The following CADPS variants were observed in gnomAD, a reference collection of about 807,000 sequenced individuals.
The protein encoded by CADPS is calcium dependent secretion activator, also known as calcium-dependent secretion activator 1.
A neutral mutation model predicts 167.3 loss-of-function variants in CADPS; 57 were observed. The ratio of observed to expected loss-of-function variants is 0.34; its 90% CI spans 0.28 to 0.42. CADPS has a LOEUF of 0.42. CADPS is among the 20% of genes least tolerant of loss of function. CADPS has a pLI of 1.00. For synonymous variants in CADPS, 676 were observed against 635.3 expected (o/e 1.06, Z -0.96); for missense variants, 1,414 against 1,738.1 (o/e 0.81, Z 3.32).
chr3:62,646,758 T>A (rs1421723558), intron 5 of CADPS, among the ~76,000 whole-genome samples: 1 of 152,198 alleles, frequency 6.6e-6, no homozygotes, highest in Admixed American at 6.5e-5. Flanking sequence ...CAATTTTGCC[T>A]TCCAGAAAAT....
chr3:62,616,562 C>A (rs1286146630), intron 6 of CADPS, among the ~76,000 whole-genome samples: 1 of 152,132 alleles, frequency 6.6e-6, no homozygotes, highest in Admixed American at 6.6e-5. Context: ...TGTCCAGGGA[C>A]CCCGGCTGGG....
At chr3:62,691,708 T>A (rs1450719821) in intron 3 of CADPS, among the ~76,000 whole-genome samples, 2 of 151,898 alleles carry the variant, frequency 1.3e-5, no homozygotes, top group African/African-American at 4.8e-5. Context: ...ATGTTCTTAC[T>A]CATAAGCAGG....
intron 28 of CADPS, among the ~76,000 whole-genome samples, chr3:62,437,359 T>TC (rs1491559092): frequency 8.0e-6 from 1 of 124,396 alleles, no homozygotes; most frequent in African/African-American, 3.1e-5. Flanking sequence ...TTTTTTTTTT[T>TC]CTTTTTGCCT....
Position 62,411,752 on chromosome 3 carries a change from G to A in CADPS, c.3778-8567C>T, listed in dbSNP as rs567007760. 1.9e-4 allele frequency among the ~76,000 whole-genome samples: 29 copies of A among 152,312 alleles called. No homozygotes were observed. In the Middle Eastern group the frequency reaches 0.02, roughly 107 times the overall value. On this transcript the variant is annotated intron_variant, in intron 28 of 29. Coordinates refer to ENST00000383710, the MANE Select transcript of CADPS (RefSeq NM_003716.4). Reference sequence around the variant, plus strand: ...AAAGAAACCCTGGCACGTTCAAGCCGTCTATGCCAAGTGGGCAAAGCACTA... The same window carrying A: ...AAAGAAACCCTGGCACGTTCAAGCCATCTATGCCAAGTGGGCAAAGCACTA...
chr3:62,513,680 G>A (rs1429206072), intron 16 of CADPS: 1 of 1,591,906 alleles, frequency 6.3e-7, no homozygotes, highest in South Asian at 1.1e-5. Flanking sequence ...CAGAAGACAG[G>A]ATGCTCATAC....
intron 28 of CADPS, among the ~76,000 whole-genome samples, chr3:62,436,504 C>T (rs937929435): frequency 6.6e-6 from 1 of 152,188 alleles, no homozygotes; most frequent in Non-Finnish European, 1.5e-5. Flanking sequence ...CCCGAGGGTC[C>T]TGCCTGTCTC....
At chr3:62,533,724 T>A (rs2074168306) in intron 12 of CADPS, among the ~76,000 whole-genome samples, 2 of 152,160 alleles carry the variant, frequency 1.3e-5, no homozygotes, top group South Asian at 2.1e-4. Flanking sequence ...ACTTCATAAA[T>A]CCTTTCACTT....
intron 1 of CADPS, among the ~76,000 whole-genome samples, chr3:62,847,321 A>C: frequency 7.6e-6 from 1 of 132,370 alleles, no homozygotes; most frequent in Non-Finnish European, 1.6e-5. Flanking sequence ...GTACATGTGC[A>C]CATTGTGCAG....
At chr3:62,768,028 G>A (rs1228872211) in intron 1 of CADPS, among the ~76,000 whole-genome samples, 1 of 152,106 alleles carries the variant, frequency 6.6e-6, no homozygotes, top group Non-Finnish European at 1.5e-5. Context: ...TATTGCACTG[G>A]ACCAGTTCAG....
intron 6 of CADPS, among the ~76,000 whole-genome samples, chr3:62,606,514 A>T (rs2060714403): frequency 6.6e-6 from 1 of 152,188 alleles, no homozygotes; most frequent in Admixed American, 6.5e-5. Flanking sequence ...CCCTCACCAG[A>T]TTCAGCCCCT....
Position 62,650,868 on chromosome 3 carries a change from G to T in CADPS, c.1182C>A (p.Val394=), listed in dbSNP as rs143096441. ...ESENQLSKSD[V]VLSFSLEVVI... is the part of the protein sequence containing the mutation. ...TTACCTCCAATGAGAAAGACAGCAC[G>T]ACATCTGACTTGGAGAGCTGGTTCT... is the stretch of plus-strand genomic sequence containing the variant. The change falls in exon 5 of 30, where the codon GTC becomes GTA. Residue 394 remains valine, a synonymous_variant. Coordinates refer to ENST00000383710, the MANE Select transcript of CADPS (RefSeq NM_003716.4). The T allele has an allele frequency of 6.2e-7, 1 of 1,613,782 alleles. No homozygotes were observed. The highest frequency in any genetic ancestry group is 1.7e-5 in the Admixed American group (1 of 60,008).
intron 1 of CADPS, among the ~76,000 whole-genome samples, chr3:62,801,384 G>T (rs1179395813): frequency 6.6e-6 from 1 of 151,680 alleles, no homozygotes; most frequent in Non-Finnish European, 1.5e-5. Context: ...TTTGCCATAG[G>T]GATGATGTTA....
rs1047390788 is a variant in CADPS at position 62,850,221 on chromosome 3, C to G, written c.441+24368G>C. On this transcript the variant is annotated intron_variant, in intron 1 of 29. Transcript: ENST00000383710. ...CAATTTTGTTGATCCTTTCAAAAAACCAGCTCCTGGATTCATTCATTTTTT... is the reference window on the plus strand; with the variant it reads ...CAATTTTGTTGATCCTTTCAAAAAAGCAGCTCCTGGATTCATTCATTTTTT... Among the ~76,000 whole-genome samples the G allele has an allele frequency of 5.6e-4, 76 of 136,324 alleles. 2 individuals carry two copies. Among genetic ancestry groups the G allele is most frequent in the Non-Finnish European group, 9.6e-4 (59 of 61,588 alleles). The allele number at this position is 136,324 out of a possible 152,430, so 89.4% of individuals were successfully genotyped here.
At chr3:62,707,489 C>G (rs562806045) in intron 3 of CADPS, among the ~76,000 whole-genome samples, 9 of 152,092 alleles carry the variant, frequency 5.9e-5, no homozygotes, top group African/African-American at 2.2e-4. Flanking sequence ...CTGAATAAAC[C>G]CTTTCTGAAT....
intron 1 of CADPS, among the ~76,000 whole-genome samples, chr3:62,813,388 G>A (rs1408969938): frequency 6.6e-6 from 1 of 152,088 alleles, no homozygotes; most frequent in Non-Finnish European, 1.5e-5. Flanking sequence ...ACAATAAGTG[G>A]TGCTGAGATA....
chr3:62,489,541 C>G (rs1407142791), intron 21 of CADPS, among the ~76,000 whole-genome samples: 1 of 152,228 alleles, frequency 6.6e-6, no homozygotes, highest in Admixed American at 6.5e-5. Context: ...TTCTCAGACA[C>G]TGGACAGGCA....
At chr3:62,471,743 T>A (rs2060649568) in intron 24 of CADPS, among the ~76,000 whole-genome samples, 1 of 152,102 alleles carries the variant, frequency 6.6e-6, no homozygotes. Flanking sequence ...AAAATGTACA[T>A]CTCAAGAAGA....
chr3:62,825,727 T>A (rs1489030879), intron 1 of CADPS, among the ~76,000 whole-genome samples: 2 of 152,156 alleles, frequency 1.3e-5, no homozygotes, highest in African/African-American at 4.8e-5. Context: ...CTGCTGGCCA[T>A]AGAAAATAAC....
chr3:62,655,817 G>A (rs1168476082), intron 4 of CADPS, among the ~76,000 whole-genome samples: 1 of 152,062 alleles, frequency 6.6e-6, no homozygotes, highest in Non-Finnish European at 1.5e-5. Context: ...ACACTTCCTG[G>A]GCTTCTGTCA....
Sources: allele counts gnomAD v4.1 joint callset (sites outside exome capture counted in the v4.1 genomes callset), GRCh38; gene constraint gnomAD v4.1.1; transcripts MANE v1.5; gene names NCBI Gene and HGNC (gene_info 2026-07-23, HGNC 2026-07-21).